The following PDE1A variants were observed in gnomAD, a reference collection of about 807,000 sequenced individuals.
PDE1A encodes the protein dual specificity calcium/calmodulin-dependent 3',5'-cyclic nucleotide phosphodiesterase 1A.
PDE1A carries 35 observed loss-of-function variants against 61.7 expected under a neutral mutation model. That is an observed-to-expected ratio of 0.57 (90% CI 0.43 to 0.75). The LOEUF is 0.75. Ranked by LOEUF, PDE1A falls within the 30% of genes least tolerant of loss-of-function variation. PDE1A has a pLI of 0.00. For synonymous variants in PDE1A, 232 were observed against 213.2 expected, an observed-to-expected ratio of 1.09 and a Z score of -0.77; for missense variants, 597 against 630.6, an observed-to-expected ratio of 0.95 and a Z score of 0.57.
intron 7 of PDE1A, among the ~76,000 whole-genome samples, chr2:182,209,300 C>T (rs1009647920): frequency 3.9e-5 from 6 of 151,960 alleles, no homozygotes; most frequent in African/African-American, 1.4e-4. Flanking sequence ...ACCATCAAAT[C>T]TCGTGAGACT....
intron 1 of PDE1A, 41 bp downstream of exon 1, chr2:182,426,537 C>T (rs1233088809): frequency 2.2e-6 from 3 of 1,335,976 alleles, no homozygotes; most frequent in Non-Finnish European, 3.2e-6. Context: ...AACTATTGTT[C>T]CTGACAGCCC....
intron 1 of PDE1A, among the ~76,000 whole-genome samples, chr2:182,335,875 A>G (rs1312938085): frequency 1.3e-5 from 2 of 152,090 alleles, no homozygotes; most frequent in African/African-American, 4.8e-5. Flanking sequence ...CCACCTGACA[A>G]TGGGCTAATA....
chr2:182,444,040 C>T (rs1684972096), intron 2 of PDE1A, among the ~76,000 whole-genome samples: 1 of 152,062 alleles, frequency 6.6e-6, no homozygotes, highest in African/African-American at 2.4e-5. Flanking sequence ...GTCTCAGGTA[C>T]TTATGTATAG....
chr2:182,707,040 C>T, the PDE1A span, among the ~76,000 whole-genome samples: 2 of 152,058 alleles, frequency 1.3e-5, no homozygotes, highest in South Asian at 4.2e-4. Context: ...AGTTTATTCC[C>T]CCTATTATAT....
intron 2 of PDE1A, among the ~76,000 whole-genome samples, chr2:182,468,256 T>C (rs1234137759): frequency 6.6e-6 from 1 of 152,036 alleles, no homozygotes; most frequent in Non-Finnish European, 1.5e-5. Context: ...TCTTTTGAAA[T>C]TGAAGTCAAT....
chr2:182,687,433 G>A, the PDE1A span, among the ~76,000 whole-genome samples: 1 of 152,188 alleles, frequency 6.6e-6, no homozygotes, highest in Non-Finnish European at 1.5e-5. Context: ...CGTCTGGAGT[G>A]GACCTCCAGC....
intron 1 of PDE1A, among the ~76,000 whole-genome samples, chr2:182,370,819 T>C (rs1465194933): frequency 1.3e-5 from 2 of 152,100 alleles, no homozygotes; most frequent in African/African-American, 2.4e-5. Context: ...AGTTATGGGA[T>C]TGCAGGAGAT....
At chr2:182,441,987 T>C (rs75966458) in intron 2 of PDE1A, among the ~76,000 whole-genome samples, 25,027 of 152,024 alleles carry the variant, frequency 0.16, 2,411 homozygotes, top group Middle Eastern at 0.32. Context: ...AAAGGAATGA[T>C]AGAGCTAGAA....
At chr2:182,204,250 C>T (rs1686907417) in intron 8 of PDE1A, among the ~76,000 whole-genome samples, 1 of 152,174 alleles carries the variant, frequency 6.6e-6, no homozygotes, top group Non-Finnish European at 1.5e-5. Flanking sequence ...TATCTCAGAA[C>T]TTGTCTGCTT....
At chr2:182,479,612 G>A (rs758808145) in intron 2 of PDE1A, among the ~76,000 whole-genome samples, 13 of 151,676 alleles carry the variant, frequency 8.6e-5, no homozygotes, top group East Asian at 1.9e-4. Context: ...ATAAAAATGC[G>A]TTAATGTGCA....
chr2:182,384,424 A>G lies in PDE1A; in HGVS notation c.53+42154T>C, dbSNP rs150479413. Among the ~76,000 whole-genome samples the G allele has an allele frequency of 9.3e-5, 14 of 150,396 alleles. No homozygotes were observed. The East Asian group carries it at 2.2e-3, about 23-fold the overall frequency. On this transcript the variant is annotated intron_variant, in intron 1 of 13. Transcript: ENST00000351439. ...ATGATTCAACAAAATGAGAAAAATA[A>G]TAAATTACCAAAAAGCAAAATTTAA...
At position 182,403,922 on chromosome 2, in the gene PDE1A, T is replaced by G. The variant is rs187665343; in HGVS notation, c.53+22656A>C. Reference sequence around the variant, plus strand: ...GGGTGCAGCAAACCACTATGGCACGTGTATACCTACGTAACAAACCTGCAC... The same window carrying G: ...GGGTGCAGCAAACCACTATGGCACGGGTATACCTACGTAACAAACCTGCAC... On this transcript the variant is annotated intron_variant, in intron 1 of 13. Coordinates refer to ENST00000351439, the Ensembl canonical transcript of PDE1A. Among the ~76,000 whole-genome samples, 596 of 152,198 alleles carry G rather than the reference T, an allele frequency of 3.9e-3. 4 individuals carry two copies. The highest frequency in any genetic ancestry group is 0.017 in the Middle Eastern group (5 of 294).
At chr2:182,152,668 G>A (rs1375771833) in intron 13 of PDE1A, among the ~76,000 whole-genome samples, 6 of 151,934 alleles carry the variant, frequency 3.9e-5, no homozygotes, top group African/African-American at 9.7e-5. Flanking sequence ...TGATCCACCC[G>A]CCTCAGCCTC....
chr2:182,145,900 C>T (rs1177532619), downstream of PDE1A, among the ~76,000 whole-genome samples: 1 of 152,154 alleles, frequency 6.6e-6, no homozygotes, highest in East Asian at 1.9e-4. Flanking sequence ...ATTTTAAAAG[C>T]GAATCACATT....
At chr2:182,195,093 T>G (rs1390517918) in intron 10 of PDE1A, among the ~76,000 whole-genome samples, 1 of 152,116 alleles carries the variant, frequency 6.6e-6, no homozygotes, top group Non-Finnish European at 1.5e-5. Context: ...TTCTCTTAAT[T>G]GGTTACTTTT....
At chr2:182,198,206 C>T (rs1686301748) in intron 10 of PDE1A, among the ~76,000 whole-genome samples, 1 of 151,920 alleles carries the variant, frequency 6.6e-6, no homozygotes, top group African/African-American at 2.4e-5. Context: ...TTGCAGCTTG[C>T]ATACAGAAAC....
At chr2:182,569,569 A>G in the PDE1A span, among the ~76,000 whole-genome samples, 1 of 152,162 alleles carries the variant, frequency 6.6e-6, no homozygotes, top group Non-Finnish European at 1.5e-5. Flanking sequence ...GACTTTCTCA[A>G]AGTCCCACAG....
exon 2 of PDE1A, chr2:182,264,409 C>T: frequency 6.2e-7 from 1 of 1,611,048 alleles, no homozygotes. Flanking sequence ...CACCAAGCAT[C>T]TTAGTCTATT....
At chr2:182,208,979 G>T (rs1687350931) in intron 7 of PDE1A, among the ~76,000 whole-genome samples, 1 of 152,180 alleles carries the variant, frequency 6.6e-6, no homozygotes, top group African/African-American at 2.4e-5. Flanking sequence ...GGACTTTTGA[G>T]TTAATGCTGG....
Sources: allele counts gnomAD v4.1 joint callset (sites outside exome capture counted in the v4.1 genomes callset), GRCh38; gene constraint gnomAD v4.1.1; transcripts MANE v1.5; gene names NCBI Gene and HGNC (gene_info 2026-07-23, HGNC 2026-07-21).